SEMA5B: variants seen among roughly 807,000 people sequenced by gnomAD.
SEMA5B encodes semaphorin-5B.
SEMA5B carries 66 observed loss-of-function variants against 135.0 expected under a neutral mutation model. The observed-to-expected ratio is 0.49, with a 90% CI of 0.40 to 0.60. The LOEUF (loss-of-function observed/expected upper bound fraction) is 0.60, where lower values mean the gene tolerates loss of function less well. Among genes scored for constraint, SEMA5B ranks in the 20% least tolerant of loss-of-function variants. SEMA5B has a pLI of 0.00. For missense variants in SEMA5B, 1,501 were observed against 1,566.3 expected (o/e 0.96, Z 0.70); for synonymous variants, 690 against 639.5 (o/e 1.08, Z -1.19).
chr3:123,023,137 G>A (rs1942727307), intron 1 of SEMA5B, among the ~76,000 whole-genome samples: 1 of 152,034 alleles, frequency 6.6e-6, no homozygotes, highest in African/African-American at 2.4e-5. Context: ...ATAAATGAAG[G>A]GCTCAATTCT....
intron 1 of SEMA5B, among the ~76,000 whole-genome samples, chr3:122,992,621 C>G (rs73856797): frequency 1.3e-5 from 2 of 152,156 alleles, no homozygotes; most frequent in East Asian, 3.8e-4. Flanking sequence ...CTCCTCACCC[C>G]CTATTGGCCC....
In SEMA5B at chr3:122,913,670, T is replaced by C. The variant is rs773938613; in HGVS notation, c.2144A>G (p.Glu715Gly). 1.1e-5 allele frequency: 17 copies of C among 1,613,512 alleles called. No homozygotes were observed. The South Asian group carries it at 1.9e-4, about 18-fold the overall frequency. ...GATGGGCACCGGGCAAGGCGTGTTC[T>C]CATTACAGAACCTGGGGTCGGGGGA... The part of the protein sequence containing the change: ...GKSREERFCN[E>G]NTPCPVPIFW... Residue 715 changes from glutamate to glycine, a missense_variant, in exon 16 of 23, where the codon GAG (glutamate) becomes GGG (glycine). Physicochemically the swap from Glu to Gly is moderately conservative, Grantham distance 98. This residue lies in a region of SEMA5B where 927 missense variants were observed against 881.6 expected (regional missense o/e 1.05). Transcript: ENST00000357599.
intron 2 of SEMA5B, 59 bp downstream of exon 2, chr3:122,961,081 T>G: frequency 6.6e-7 from 1 of 1,507,836 alleles, no homozygotes; most frequent in Non-Finnish European, 9.0e-7. Context: ...GTCTTCTCCC[T>G]GCTCTCCCCT....
At chr3:123,001,063 G>GC (rs755674324) in intron 1 of SEMA5B, among the ~76,000 whole-genome samples, 64 of 152,188 alleles carry the variant, frequency 4.2e-4, no homozygotes, top group African/African-American at 1.4e-3. Flanking sequence ...ATATCCAAGA[G>GC]CCCCCCAGAG....
At chr3:123,016,954 C>T (rs892131285) in intron 1 of SEMA5B, among the ~76,000 whole-genome samples, 20 of 145,270 alleles carry the variant, frequency 1.4e-4, no homozygotes, top group African/African-American at 4.7e-4. Context: ...TGCAGTGGCG[C>T]GATCTCGGCT....
intron 1 of SEMA5B, among the ~76,000 whole-genome samples, chr3:122,995,320 G>A (rs1941999177): frequency 6.6e-6 from 1 of 152,170 alleles, no homozygotes; most frequent in South Asian, 2.1e-4. Context: ...GGAGGCCTGA[G>A]TAGAACAGGA....
chr3:122,998,344 T>C (rs771511862), intron 1 of SEMA5B, among the ~76,000 whole-genome samples: 1 of 150,996 alleles, frequency 6.6e-6, no homozygotes, highest in Non-Finnish European at 1.5e-5. Flanking sequence ...GGACGGGGCT[T>C]TGGGATCAAG....
intron 2 of SEMA5B, among the ~76,000 whole-genome samples, chr3:122,959,842 C>A (rs1026167318): frequency 6.6e-6 from 1 of 152,162 alleles, no homozygotes; most frequent in African/African-American, 2.4e-5. Context: ...AAGGTAATAT[C>A]ATGAGTAGGA....
At chr3:123,000,293 GA>G (rs1942137551) in intron 1 of SEMA5B, among the ~76,000 whole-genome samples, 2 of 152,194 alleles carry the variant, frequency 1.3e-5, no homozygotes, top group Admixed American at 6.5e-5. Flanking sequence ...GCTGGACTGG[GA>G]AGGAATGGGC....
intron 5 of SEMA5B, among the ~76,000 whole-genome samples, chr3:122,931,667 G>A (rs561870995): frequency 1.1e-4 from 16 of 152,190 alleles, no homozygotes; most frequent in African/African-American, 3.1e-4. Context: ...GCTCATTTTT[G>A]CTGTTTGTCT....
At chr3:122,912,127 A>C in intron 19 of SEMA5B, 45 bp downstream of exon 19, 1 of 1,586,566 alleles carries the variant, frequency 6.3e-7, no homozygotes, top group South Asian at 1.1e-5. Flanking sequence ...TGGGGATCAG[A>C]GGGCTCCATG....
At chr3:123,010,090 G>T (rs1942401438) in intron 1 of SEMA5B, among the ~76,000 whole-genome samples, 1 of 152,220 alleles carries the variant, frequency 6.6e-6, no homozygotes, top group Non-Finnish European at 1.5e-5. Flanking sequence ...GGTGGGGCCT[G>T]GAGGACCGGA....
chr3:122,966,554 A>ATTTTTTTTTTTTTTTT lies in SEMA5B; in HGVS notation c.-38-5254_-38-5253insAAAAAAAAAAAAAAAA, dbSNP rs1335935235. ...AAGAATGTTTATTATTATTATTATT[A>ATTTTTTTTTTTTTTTT]TTATTATTATTATTTTTTGAGACGG... On this transcript the variant is annotated intron_variant, in intron 1 of 22. Coordinates refer to ENST00000357599, the MANE Select transcript of SEMA5B (RefSeq NM_001031702.4). 1.6e-4 allele frequency among the ~76,000 whole-genome samples: 24 copies of ATTTTTTTTTTTTTTTT among 147,038 alleles called. 1 individual carries two copies. Among genetic ancestry groups the ATTTTTTTTTTTTTTTT allele is most frequent in the African/African-American group, 5.7e-4 (22 of 38,362 alleles).
chr3:122,956,169 C>T (rs1303133286), intron 2 of SEMA5B, among the ~76,000 whole-genome samples: 1 of 152,224 alleles, frequency 6.6e-6, no homozygotes, highest in Non-Finnish European at 1.5e-5. Context: ...CCAACTCCTG[C>T]TATTTTGGGA....
chr3:122,924,347 T>C (rs956618076), intron 9 of SEMA5B, among the ~76,000 whole-genome samples: 1 of 152,118 alleles, frequency 6.6e-6, no homozygotes, highest in Non-Finnish European at 1.5e-5. Context: ...CCAGTTATAT[T>C]CTTCGCATTT....
At chr3:122,913,127 G>A (rs1361718848) in intron 17 of SEMA5B, 66 bp from the exon 18 acceptor site, 34 of 1,423,560 alleles carry the variant, frequency 2.4e-5, no homozygotes, top group Non-Finnish European at 2.9e-5. Flanking sequence ...GGGCCTCCCC[G>A]GGGCTCCCGC....
intron 2 of SEMA5B, among the ~76,000 whole-genome samples, chr3:122,950,866 ACC>A (rs1940015298): frequency 6.6e-6 from 1 of 152,236 alleles, no homozygotes; most frequent in Non-Finnish European, 1.5e-5. Context: ...TGCCCAAATA[ACC>A]TAGGGTGTAT....
At chr3:122,956,199 A>G (rs973556617) in intron 2 of SEMA5B, among the ~76,000 whole-genome samples, 5 of 152,258 alleles carry the variant, frequency 3.3e-5, no homozygotes, top group Admixed American at 3.3e-4. Context: ...CAGTGAAGAA[A>G]GCATTTTCCC....
chr3:122,992,218 C>A (rs1235102754), intron 1 of SEMA5B, among the ~76,000 whole-genome samples: 1 of 152,174 alleles, frequency 6.6e-6, no homozygotes, highest in Non-Finnish European at 1.5e-5. Flanking sequence ...CCTTTCCTGG[C>A]AGTGCTGATA....
Sources: gnomAD v4.1 joint callset for allele counts (sites outside exome capture counted in the v4.1 genomes callset) on GRCh38, gnomAD v4.1.1 for gene constraint, gnomAD v4.1.1 regional missense constraint, MANE v1.5 for transcripts, NCBI Gene and HGNC (gene_info 2026-07-23, HGNC 2026-07-21) for gene names.